FSTL5: variants seen among roughly 807,000 people sequenced by gnomAD.
FSTL5 encodes the protein follistatin like 5.
In FSTL5, 62 loss-of-function variants were observed where a neutral mutation model predicts 89.1. The ratio of observed to expected loss-of-function variants is 0.70; its 90% CI spans 0.57 to 0.86. The LOEUF is 0.86. Among genes scored for constraint, FSTL5 ranks in the 40% least tolerant of loss-of-function variants. FSTL5 has a pLI of 0.00. For synonymous variants in FSTL5, 383 were observed against 346.2 expected, an observed-to-expected ratio of 1.11 and a Z score of -1.18; for missense variants, 1,057 against 1,001.6, an observed-to-expected ratio of 1.06 and a Z score of -0.75.
chr4:161,913,428 G>A (rs13141021), intron 4 of FSTL5, among the ~76,000 whole-genome samples: 4,882 of 152,260 alleles, frequency 0.032, 92 homozygotes, highest in Non-Finnish European at 0.049. Flanking sequence ...TACAGCTTGG[G>A]CTGTGCCTTC....
At chr4:161,696,216 G>T (rs1397542572) in intron 6 of FSTL5, among the ~76,000 whole-genome samples, 1 of 152,126 alleles carries the variant, frequency 6.6e-6, no homozygotes, top group Non-Finnish European at 1.5e-5. Context: ...TGAATAGGGT[G>T]TCCTTTCCAG....
Position 161,455,054 on chromosome 4 carries a change from T to A in FSTL5, c.1791A>T (p.Arg597Ser). ...TGGTGGGAATGAAAAAATCATCCAC[T>A]CTGTCAAATTGCTTTCCCACTGGTT... ...HTQPVGKQFD[R>S]VDDFFIPTTT... is the part of the protein sequence containing the mutation. The change falls in exon 15 of 16, where the codon AGA (arginine) becomes AGT (serine). Residue 597 changes from arginine to serine, a missense_variant. Arg to Ser is a moderately radical substitution (Grantham distance 110). Around this residue, in one of 3 missense-constraint regions of FSTL5, gnomAD observed 980 missense variants for 903.2 expected, o/e 1.08. Coordinates refer to ENST00000306100, the MANE Select transcript of FSTL5 (RefSeq NM_020116.5). The A allele has an allele frequency of 6.2e-7, 1 of 1,613,650 alleles. No individual in the cohort carries two copies. Among genetic ancestry groups the A allele is most frequent in the Non-Finnish European group, 8.5e-7 (1 of 1,179,732 alleles).
At chr4:161,832,734 T>C (rs980821349) in intron 4 of FSTL5, among the ~76,000 whole-genome samples, 4 of 152,072 alleles carry the variant, frequency 2.6e-5, no homozygotes, top group Non-Finnish European at 4.4e-5. Context: ...ATATCCCCTT[T>C]ATCATTTTTT....
At chr4:162,078,513 C>T (rs150859354) in intron 2 of FSTL5, among the ~76,000 whole-genome samples, 100 of 151,832 alleles carry the variant, frequency 6.6e-4, no homozygotes, top group African/African-American at 2.2e-3. Context: ...TGCCGTTCTC[C>T]CATCTCCCAG....
chr4:162,054,210 A>G (rs936411222), intron 2 of FSTL5, among the ~76,000 whole-genome samples: 6 of 151,808 alleles, frequency 4.0e-5, no homozygotes, highest in Non-Finnish European at 8.9e-5. Context: ...ATATTAATAT[A>G]TGCCCAAATA....
chr4:161,745,319 C>A (rs556262353), intron 6 of FSTL5, among the ~76,000 whole-genome samples: 231 of 152,100 alleles, frequency 1.5e-3, no homozygotes, highest in Non-Finnish European at 2.8e-3. Flanking sequence ...ATATAAAAAT[C>A]TTTTACTGGC....
chr4:161,992,910 A>C (rs1282690822), intron 3 of FSTL5, among the ~76,000 whole-genome samples: 6 of 7,394 alleles, frequency 8.1e-4, no homozygotes, highest in Non-Finnish European at 3.0e-3. Flanking sequence ...GTGTGTATAT[A>C]TATATATATA....
intron 1 of FSTL5, among the ~76,000 whole-genome samples, chr4:162,157,965 A>T (rs1579072061): frequency 6.6e-6 from 1 of 152,164 alleles, no homozygotes; most frequent in East Asian, 1.9e-4. Context: ...TAAAGTATTT[A>T]ATGTTTCCAA....
At chr4:161,579,746 AAAGAAAAAGAAAAAAAG>A (rs1345120538) in intron 8 of FSTL5, among the ~76,000 whole-genome samples, 1 of 90,658 alleles carries the variant, frequency 1.1e-5, no homozygotes, top group African/African-American at 3.5e-5. Flanking sequence ...AAAAAAAAAG[AAAGAAAAAGAAAAAAAG>A]AAAAAAAAAT....
chr4:161,616,066 T>G (rs1008238868), intron 7 of FSTL5, among the ~76,000 whole-genome samples: 3 of 100,712 alleles, frequency 3.0e-5, no homozygotes, highest in Non-Finnish European at 6.7e-5. Flanking sequence ...TTCTGAGTGT[T>G]TTTTTTTTCT....
In FSTL5 at chr4:162,115,476, G is replaced by A. The variant is rs551676808; in HGVS notation, c.-16-4064C>T. ...TTAGTATAGTAACCTCTGACAACCT[G>A]TTAGGTTTTCAGAATTAATTGGCAG... On this transcript the variant is annotated intron_variant, in intron 1 of 15. Transcript: ENST00000306100. 4.6e-5 allele frequency among the ~76,000 whole-genome samples: 7 copies of A among 152,266 alleles called. No homozygotes were observed. The South Asian group carries it at 1.5e-3, about 32-fold the overall frequency.
intron 2 of FSTL5, among the ~76,000 whole-genome samples, chr4:162,044,519 G>T (rs1444326830): frequency 2.0e-5 from 3 of 152,120 alleles, no homozygotes; most frequent in African/African-American, 7.2e-5. Context: ...ATGAGCATTT[G>T]TTTCAACTTA....
At chr4:161,636,524 CA>C (rs1431540594) in intron 7 of FSTL5, among the ~76,000 whole-genome samples, 11 of 137,774 alleles carry the variant, frequency 8.0e-5, no homozygotes, top group African/African-American at 3.0e-4. Context: ...AGGTTAGTTA[CA>C]TATGTATACA....
intron 2 of FSTL5, among the ~76,000 whole-genome samples, chr4:162,087,466 T>C (rs1730365689): frequency 1.3e-5 from 2 of 152,084 alleles, no homozygotes; most frequent in Admixed American, 1.3e-4. Flanking sequence ...ATATATCTCA[T>C]ACTTAAAAAT....
chr4:162,028,133 G>C (rs894671591), intron 3 of FSTL5, among the ~76,000 whole-genome samples: 4 of 152,046 alleles, frequency 2.6e-5, no homozygotes, highest in African/African-American at 9.7e-5. Flanking sequence ...TATTTTCAAG[G>C]AGTAAGTTTT....
chr4:161,681,253 T>C lies in FSTL5; in HGVS notation c.728-24759A>G, dbSNP rs183995546. Among the ~76,000 whole-genome samples the C allele has an allele frequency of 2.7e-3, 406 of 152,262 alleles. 4 individuals are homozygous for C. The Middle Eastern group carries it at 0.051, about 19-fold the overall frequency. On this transcript the variant is annotated intron_variant, in intron 6 of 15. Coordinates refer to ENST00000306100, the MANE Select transcript of FSTL5 (RefSeq NM_020116.5). Reference sequence around the variant, plus strand: ...CTTAGATCACCATTGGTTTTTGTTTTGCTTTGTTTTCTCTGCTATAAAAGG... The same window carrying C: ...CTTAGATCACCATTGGTTTTTGTTTCGCTTTGTTTTCTCTGCTATAAAAGG...
chr4:161,898,786 T>C (rs540685347), intron 4 of FSTL5, among the ~76,000 whole-genome samples: 18 of 151,944 alleles, frequency 1.2e-4, no homozygotes, highest in Non-Finnish European at 2.9e-5. Flanking sequence ...CCCGCCACCA[T>C]GCCCGGCTAA....
chr4:161,622,051 C>T (rs150229071), intron 7 of FSTL5, among the ~76,000 whole-genome samples: 3 of 151,598 alleles, frequency 2.0e-5, no homozygotes, highest in Non-Finnish European at 2.9e-5. Flanking sequence ...GAGATAGGTG[C>T]GATTACTACA....
chr4:161,738,744 CTGTT>C (rs549276674), intron 6 of FSTL5, among the ~76,000 whole-genome samples: 79 of 152,204 alleles, frequency 5.2e-4, no homozygotes, highest in African/African-American at 1.9e-3. Flanking sequence ...GAAATCAAAA[CTGTT>C]TGGCTTAACA....
Sources: gnomAD v4.1 joint callset for allele counts (sites outside exome capture counted in the v4.1 genomes callset) on GRCh38, gnomAD v4.1.1 for gene constraint, gnomAD v4.1.1 regional missense constraint, MANE v1.5 for transcripts, NCBI Gene and HGNC (gene_info 2026-07-23, HGNC 2026-07-21) for gene names.